Variants in SLC35F3 observed in about 807,000 individuals in gnomAD.
The protein encoded by SLC35F3 is solute carrier family 35 member F3.
SLC35F3 carries 25 observed loss-of-function variants against 49.9 expected under a neutral mutation model. That is an observed-to-expected ratio of 0.50 (90% confidence interval 0.37 to 0.70). The LOEUF (loss-of-function observed/expected upper bound fraction) is 0.70, where lower values mean the gene tolerates loss of function less well. Among genes scored for constraint, SLC35F3 ranks in the 30% least tolerant of loss-of-function variants. The probability of loss-of-function intolerance (pLI) is 0.00; values close to 1 mark genes in which losing one functional copy is unlikely to be tolerated. For missense variants in SLC35F3, 525 were observed against 639.8 expected, an observed-to-expected ratio of 0.82 and a Z score of 1.94; for synonymous variants, 275 against 265.4, an observed-to-expected ratio of 1.04 and a Z score of -0.35.
At chr1:234,188,353 G>A (rs1471603284) in intron 2 of SLC35F3, among the ~76,000 whole-genome samples, 1 of 152,140 alleles carries the variant, frequency 6.6e-6, no homozygotes, top group Non-Finnish European at 1.5e-5. Context: ...GTGAGGTGGG[G>A]GGCAGGGGGC....
chr1:233,976,260 G>A (rs1291760127), intron 2 of SLC35F3, among the ~76,000 whole-genome samples: 2 of 152,128 alleles, frequency 1.3e-5, no homozygotes, highest in Non-Finnish European at 2.9e-5. Flanking sequence ...AGAAAAAGCA[G>A]AAATTGTCAC....
At chr1:234,038,826 A>ACT (rs1387116829) in intron 2 of SLC35F3, among the ~76,000 whole-genome samples, 1 of 152,172 alleles carries the variant, frequency 6.6e-6, no homozygotes, top group Non-Finnish European at 1.5e-5. Context: ...TAGATTCAAG[A>ACT]CATCACTGAA....
At position 233,994,432 on chromosome 1, in the gene SLC35F3, A is replaced by G. The variant is rs185948556; in HGVS notation, c.283+88674A>G. Among the ~76,000 whole-genome samples, 339 of 127,642 alleles carry G rather than the reference A, an allele frequency of 2.7e-3. 1 individual carries two copies. The highest frequency in any genetic ancestry group is 7.8e-3 in the Middle Eastern group (2 of 258). 83.7% of individuals were successfully genotyped at this position (127,642 alleles called of 152,430 possible). On this transcript the variant is annotated intron_variant, in intron 2 of 7. Coordinates refer to ENST00000366618, the MANE Select transcript of SLC35F3 (RefSeq NM_173508.4). Reference sequence around the variant, plus strand: ...GAGTGCAGCTCCTAACTACAACCCTATTCAGCTTCTCTGTAAATGTCAGAG... The same window carrying G: ...GAGTGCAGCTCCTAACTACAACCCTGTTCAGCTTCTCTGTAAATGTCAGAG...
At chr1:234,299,369 G>A (rs1165507973) in intron 3 of SLC35F3, among the ~76,000 whole-genome samples, 1 of 152,114 alleles carries the variant, frequency 6.6e-6, no homozygotes, top group Non-Finnish European at 1.5e-5. Context: ...TATGACCTAA[G>A]AGTAAAGGGG....
chr1:234,172,958 C>T (rs1299538676), intron 2 of SLC35F3, among the ~76,000 whole-genome samples: 1 of 152,164 alleles, frequency 6.6e-6, no homozygotes, highest in Admixed American at 6.5e-5. Context: ...CCAGCTTCCC[C>T]CAATGGTAAC....
chr1:234,101,777 A>G (rs1335976060), intron 2 of SLC35F3, among the ~76,000 whole-genome samples: 1 of 152,244 alleles, frequency 6.6e-6, no homozygotes, highest in Non-Finnish European at 1.5e-5. Flanking sequence ...GACAGAAAAA[A>G]TATTGGAAGG....
At chr1:234,028,620 T>G (rs996177530) in intron 2 of SLC35F3, among the ~76,000 whole-genome samples, 4 of 152,198 alleles carry the variant, frequency 2.6e-5, no homozygotes, top group Admixed American at 2.0e-4. Context: ...GAAAAGAAAG[T>G]CGTAAGAATG....
At chr1:234,075,096 G>C (rs1343517197) in intron 2 of SLC35F3, among the ~76,000 whole-genome samples, 1 of 152,236 alleles carries the variant, frequency 6.6e-6, no homozygotes, top group East Asian at 1.9e-4. Context: ...ACCGATGAGA[G>C]AGTACTAACA....
chr1:233,980,095 GCAACCATTTCTTTTAATCTTTACCA>G (rs1366084364), intron 2 of SLC35F3, among the ~76,000 whole-genome samples: 1 of 152,202 alleles, frequency 6.6e-6, no homozygotes, highest in Non-Finnish European at 1.5e-5. Flanking sequence ...CTCTGCCTTT[GCAACCATTTCTTTTAATCTTTACCA>G]CACACACAGC....
chr1:234,004,310 T>C (rs1346175537), intron 2 of SLC35F3, among the ~76,000 whole-genome samples: 3 of 152,226 alleles, frequency 2.0e-5, no homozygotes. Flanking sequence ...CCATTTTATC[T>C]ATTTTCTGTC....
In SLC35F3 at chr1:233,957,961, T is replaced by C. The variant is rs1379726847; in HGVS notation, c.283+52203T>C. On this transcript the variant is annotated intron_variant, in intron 2 of 7. Transcript: ENST00000366618. This position sits in a 1 kb window ranked among gnomAD's most constrained non-coding sequence, Gnocchi z 4.0. ...GTCTAGGGTTCAACTTTGCTGAGGC[T>C]TAACTAGGACTTGATGACTAGACCG... Among the ~76,000 whole-genome samples the C allele has an allele frequency of 6.6e-6, 1 of 152,218 alleles. No homozygotes were observed. The highest frequency in any genetic ancestry group is 1.5e-5 in the Non-Finnish European group (1 of 68,046).
intron 3 of SLC35F3, among the ~76,000 whole-genome samples, chr1:234,236,066 A>G (rs1667463406): frequency 6.6e-6 from 1 of 152,116 alleles, no homozygotes; most frequent in African/African-American, 2.4e-5. Flanking sequence ...GGGTGCATGC[A>G]AGGGAGCTGA....
intron 2 of SLC35F3, among the ~76,000 whole-genome samples, chr1:234,042,336 A>G (rs1212307745): frequency 2.0e-5 from 3 of 152,206 alleles, no homozygotes; most frequent in African/African-American, 7.2e-5. Flanking sequence ...TACCAATTTT[A>G]TATTATTCAG....
intron 2 of SLC35F3, among the ~76,000 whole-genome samples, chr1:234,089,286 A>G (rs1665007036): frequency 6.6e-6 from 1 of 152,240 alleles, no homozygotes; most frequent in Non-Finnish European, 1.5e-5. Flanking sequence ...AAAGTCAGTC[A>G]GCCTGGGCTG....
chr1:233,977,326 G>A (rs573302823), intron 2 of SLC35F3, among the ~76,000 whole-genome samples: 57 of 152,274 alleles, frequency 3.7e-4, no homozygotes, highest in Non-Finnish European at 7.2e-4. Flanking sequence ...TATGCTTATG[G>A]GATTACAAAA....
chr1:233,980,602 G>A (rs1200127378), intron 2 of SLC35F3, among the ~76,000 whole-genome samples: 1 of 152,192 alleles, frequency 6.6e-6, no homozygotes, highest in Non-Finnish European at 1.5e-5. Flanking sequence ...ACTAAAGACT[G>A]AGGGCACATC....
Position 234,231,315 on chromosome 1 carries a change from C to T in SLC35F3, c.284-102C>T. 2 of 1,010,658 alleles carry T rather than the reference C, an allele frequency of 2.0e-6. No individual in the cohort carries two copies. Among genetic ancestry groups the T allele is most frequent in the Non-Finnish European group, 1.4e-6 (1 of 714,196 alleles). 62.6% of individuals were successfully genotyped at this position (1,010,658 alleles called of 1,614,324 possible). ...CCCCTGCACCCGCTATCTCCCCGGG[C>T]CCCCAGGTAGCTGGTGGTGACAATG... On this transcript the variant is annotated intron_variant, in intron 2 of 7. Coordinates refer to ENST00000366618, the MANE Select transcript of SLC35F3 (RefSeq NM_173508.4). This position sits in a 1 kb window ranked among gnomAD's most constrained non-coding sequence, Gnocchi z 5.4.
At chr1:233,992,248 A>G (rs1229881760) in intron 2 of SLC35F3, among the ~76,000 whole-genome samples, 1 of 152,174 alleles carries the variant, frequency 6.6e-6, no homozygotes, top group Non-Finnish European at 1.5e-5. Flanking sequence ...AGTGAATGCT[A>G]TTTTATCTGG....
chr1:233,919,885 G>A (rs187047597), intron 2 of SLC35F3, among the ~76,000 whole-genome samples: 1 of 152,164 alleles, frequency 6.6e-6, no homozygotes, highest in Non-Finnish European at 1.5e-5. Context: ...TGTGGCAAGA[G>A]AGAAAGAATC....
Sources: gnomAD v4.1 joint callset for allele counts (sites outside exome capture counted in the v4.1 genomes callset) on GRCh38, gnomAD v4.1.1 for gene constraint, Gnocchi (gnomAD v3.1) non-coding constraint, MANE v1.5 for transcripts, NCBI Gene and HGNC (gene_info 2026-07-23, HGNC 2026-07-21) for gene names.